Variants in SV2B observed in about 807,000 individuals in gnomAD.
SV2B encodes synaptic vesicle glycoprotein 2B.
A neutral mutation model predicts 73.9 loss-of-function variants in SV2B; 41 were observed. That is an observed-to-expected ratio of 0.56 (90% CI 0.43 to 0.72). SV2B has a LOEUF of 0.72. Ranked by LOEUF, SV2B falls within the 30% of genes least tolerant of loss-of-function variation. SV2B has a pLI of 0.00. For missense variants in SV2B, 764 were observed against 857.8 expected, an observed-to-expected ratio of 0.89 and a Z score of 1.37; for synonymous variants, 314 against 314.2, an observed-to-expected ratio of 1.00 and a Z score of 0.01.
rs940110619 is a variant in SV2B, at chr15:91,290,735, A to T, written c.1868+1055A>T. On this transcript the variant is annotated intron_variant, in intron 12 of 12. Coordinates refer to ENST00000394232, the MANE Select transcript of SV2B (RefSeq NM_001323032.3). The surrounding 1 kb of genome is among the most constrained non-coding windows in gnomAD (Gnocchi z 4.7). The stretch of plus-strand genomic sequence containing the variant: ...CTAAGAGATATAAAAAAAGACACAT[A>T]AGAGAAGATAAATATATGCCAACTC... Among the ~76,000 whole-genome samples, 2 of 152,230 alleles carry T rather than the reference A, an allele frequency of 1.3e-5. No individual in the cohort carries two copies. The highest frequency in any genetic ancestry group is 4.8e-5 in the African/African-American group (2 of 41,450).
intron 1 of SV2B, among the ~76,000 whole-genome samples, chr15:91,193,056 C>T (rs2045102067): frequency 6.6e-6 from 1 of 152,226 alleles, no homozygotes; most frequent in South Asian, 2.1e-4. Flanking sequence ...TGTTAATCCA[C>T]AGTGGTCCCT....
At chr15:91,251,289 C>T (rs1002613685) in intron 2 of SV2B, among the ~76,000 whole-genome samples, 1 of 152,226 alleles carries the variant, frequency 6.6e-6, no homozygotes, top group African/African-American at 2.4e-5. Flanking sequence ...ACACCATATA[C>T]AAATATACTA....
chr15:91,211,562 G>A (rs2045864487), intron 1 of SV2B, among the ~76,000 whole-genome samples: 1 of 149,482 alleles, frequency 6.7e-6, no homozygotes, highest in African/African-American at 2.5e-5. Flanking sequence ...GGAGTACAGT[G>A]GCGCAGTCTC....
At chr15:91,257,307 G>T (rs1390545675) in intron 4 of SV2B, among the ~76,000 whole-genome samples, 3 of 152,184 alleles carry the variant, frequency 2.0e-5, no homozygotes, top group Non-Finnish European at 2.9e-5. Flanking sequence ...GTATTCTACA[G>T]CTGCGAAAAC....
At chr15:91,207,677 C>T (rs146798479) in intron 1 of SV2B, among the ~76,000 whole-genome samples, 221 of 152,248 alleles carry the variant, frequency 1.5e-3, no homozygotes, top group Admixed American at 2.7e-3. Flanking sequence ...ACTTATTTAA[C>T]GTAAGTTTTA....
In SV2B at chr15:91,290,067, G is replaced by T. The variant is rs1013008754; in HGVS notation, c.1868+387G>T. ...GGTGGGGGCAAGGAGAGAAATAAAGGTCGGGAGGCAGCATGAAGTCCAGGG... is the reference window on the plus strand; with the variant it reads ...GGTGGGGGCAAGGAGAGAAATAAAGTTCGGGAGGCAGCATGAAGTCCAGGG... On this transcript the variant is annotated intron_variant, in intron 12 of 12. Coordinates refer to ENST00000394232, the MANE Select transcript of SV2B (RefSeq NM_001323032.3). The surrounding 1 kb of genome is among the most constrained non-coding windows in gnomAD (Gnocchi z 4.7). Among the ~76,000 whole-genome samples the T allele has an allele frequency of 2.0e-4, 30 of 152,206 alleles. No individual in the cohort carries two copies. The highest frequency in any genetic ancestry group is 1.2e-3 in the Admixed American group (19 of 15,280).
rs770938934 is a variant in SV2B, at chr15:91,284,317, T to C, written c.1708+96T>C. On this transcript the variant is annotated intron_variant, in intron 11 of 12. Transcript: ENST00000394232. This position sits in a 1 kb window ranked among gnomAD's most constrained non-coding sequence, Gnocchi z 4.5. ...GGAAATTTTCCCTTTTATTAAATAA[T>C]TCTTGCACAACAAACCCAACAAGTA... The C allele has an allele frequency of 8.2e-4, 1,130 of 1,370,738 alleles. 2 individuals carry two copies. The highest frequency in any genetic ancestry group is 1.0e-3 in the Non-Finnish European group (998 of 992,390). The allele number at this position is 1,370,738 out of a possible 1,614,324, so 84.9% of individuals were successfully genotyped here. A position where few individuals can be genotyped will look rare whatever the true frequency, so the allele number is the denominator to read the frequency against.
chr15:91,131,422 TACATATAC>T (rs2042645426), intron 1 of SV2B, among the ~76,000 whole-genome samples: 1 of 151,988 alleles, frequency 6.6e-6, no homozygotes, highest in South Asian at 2.1e-4. Context: ...CATATATGTA[TACATATAC>T]ACATATATGT....
Position 91,296,827 on chromosome 15 carries a change from T to TCACGCTCCTTCTGCCCGATCTTGGGCG in SV2B, c.*4296_*4322dup, listed in dbSNP as rs2049257803. The stretch of plus-strand genomic sequence containing the variant: ...CGCTCCTTCTGCCCGATCGCTGGGC[T>TCACGCTCCTTCTGCCCGATCTTGGGCG]CACGCTCCTTCTGCCCGATCTTGGG... On this transcript the variant is annotated 3_prime_UTR_variant, in exon 13 of 13. Coordinates refer to ENST00000394232, the MANE Select transcript of SV2B (RefSeq NM_001323032.3). 1.8e-5 allele frequency: 2 copies of TCACGCTCCTTCTGCCCGATCTTGGGCG among 110,914 alleles called. No homozygotes were observed. The highest frequency in any genetic ancestry group is 5.8e-4 in the East Asian group (2 of 3,458). 6.9% of individuals were successfully genotyped at this position (110,914 alleles called of 1,614,324 possible). A position where few individuals can be genotyped will look rare whatever the true frequency, so the allele number is the denominator to read the frequency against.
intron 4 of SV2B, among the ~76,000 whole-genome samples, chr15:91,257,532 A>G (rs2047740853): frequency 6.6e-6 from 1 of 152,204 alleles, no homozygotes; most frequent in African/African-American, 2.4e-5. Context: ...TTCCCATTTC[A>G]ATGATGATGG....
At chr15:91,199,387 C>T (rs1246260203) in intron 1 of SV2B, among the ~76,000 whole-genome samples, 1 of 152,110 alleles carries the variant, frequency 6.6e-6, no homozygotes, top group Non-Finnish European at 1.5e-5. Flanking sequence ...CTCCGGGGAC[C>T]AGAATCTTGG....
At chr15:91,112,952 G>T (rs1305517671) in intron 1 of SV2B, among the ~76,000 whole-genome samples, 1 of 152,140 alleles carries the variant, frequency 6.6e-6, no homozygotes, top group African/African-American at 2.4e-5. Flanking sequence ...GAGTAGCTGG[G>T]ATGAAAAGGC....
rs1371671625 is a variant in SV2B at position 91,299,452 on chromosome 15, C to T, written c.*6900C>T. 3 of 152,136 alleles carry T rather than the reference C, an allele frequency of 2.0e-5. No homozygotes were observed. The highest frequency in any genetic ancestry group is 4.4e-5 in the Non-Finnish European group (3 of 68,028). 9.4% of individuals were successfully genotyped at this position (152,136 alleles called of 1,614,324 possible). Reference sequence around the variant, plus strand: ...AATTTTCCAAAACCTAAATGCTACACATTTTACAGTGGCAATATCAACCTT... The same window carrying T: ...AATTTTCCAAAACCTAAATGCTACATATTTTACAGTGGCAATATCAACCTT... On this transcript the variant is annotated 3_prime_UTR_variant, in exon 13 of 13. Coordinates refer to ENST00000394232, the MANE Select transcript of SV2B (RefSeq NM_001323032.3).
rs946177892 is a variant in SV2B at position 91,300,034 on chromosome 15, A to G, written c.*7482A>G. On this transcript the variant is annotated 3_prime_UTR_variant, in exon 13 of 13. Coordinates refer to ENST00000394232, the MANE Select transcript of SV2B (RefSeq NM_001323032.3). ...AACAAACCATCCATAGTGTGTGCAT[A>G]TATACACACAAGGTTTGGTTTAATA... The G allele has an allele frequency of 2.6e-5, 4 of 152,246 alleles. No homozygotes were observed. The highest frequency in any genetic ancestry group is 7.2e-5 in the African/African-American group (3 of 41,468). The allele number at this position is 152,246 out of a possible 1,614,324, so 9.4% of individuals were successfully genotyped here. A position where few individuals can be genotyped will look rare whatever the true frequency, so the allele number is the denominator to read the frequency against.
intron 1 of SV2B, among the ~76,000 whole-genome samples, chr15:91,165,214 G>T (rs931187131): frequency 6.6e-6 from 1 of 152,152 alleles, no homozygotes; most frequent in African/African-American, 2.4e-5. Flanking sequence ...GCGAGCCCCT[G>T]TAATCCCAGC....
intron 5 of SV2B, among the ~76,000 whole-genome samples, chr15:91,259,647 G>A (rs893481781): frequency 6.6e-6 from 1 of 152,232 alleles, no homozygotes; most frequent in East Asian, 1.9e-4. Flanking sequence ...AAAACTGTAC[G>A]GGAGACTCCT....
chr15:91,253,348 C>T lies in SV2B; in HGVS notation c.784+828C>T, dbSNP rs1221552160. 6.6e-6 allele frequency among the ~76,000 whole-genome samples: 1 copy of T among 152,198 alleles called. No individual in the cohort carries two copies. The highest frequency in any genetic ancestry group is 2.4e-5 in the African/African-American group (1 of 41,444). On this transcript the variant is annotated intron_variant, in intron 4 of 12. Transcript: ENST00000394232. The surrounding 1 kb of genome is among the most constrained non-coding windows in gnomAD (Gnocchi z 5.0). ...GGGTAGCAGACAGCTGCCCCTGAAG[C>T]TGACTGATAGTTTACCACCTATTTA...
chr15:91,238,896 A>G (rs2046895123), intron 2 of SV2B, among the ~76,000 whole-genome samples: 3 of 150,366 alleles, frequency 2.0e-5, no homozygotes, highest in Admixed American at 1.3e-4. Flanking sequence ...GACAGAGAAC[A>G]CTCGGGTCCT....
chr15:91,268,946 G>C lies in SV2B; in HGVS notation c.1373+341G>C, dbSNP rs961836957. On this transcript the variant is annotated intron_variant, in intron 9 of 12. Coordinates refer to ENST00000394232, the MANE Select transcript of SV2B (RefSeq NM_001323032.3). This position sits in a 1 kb window ranked among gnomAD's most constrained non-coding sequence, Gnocchi z 4.4. The stretch of plus-strand genomic sequence containing the variant: ...AAGGGCCTAGGGCTCTTACTGCTGA[G>C]ATTCCCGAACTAGTCCAAAGCCTGG... 6.6e-6 allele frequency among the ~76,000 whole-genome samples: 1 copy of C among 152,218 alleles called. No homozygotes were observed. Among genetic ancestry groups the C allele is most frequent in the Non-Finnish European group, 1.5e-5 (1 of 68,040 alleles).
Sources: gnomAD v4.1 joint callset for allele counts (sites outside exome capture counted in the v4.1 genomes callset) on GRCh38, gnomAD v4.1.1 for gene constraint, Gnocchi (gnomAD v3.1) non-coding constraint, MANE v1.5 for transcripts, NCBI Gene and HGNC (gene_info 2026-07-23, HGNC 2026-07-21) for gene names.